Variants in DNAH8 observed in about 807,000 individuals in gnomAD.
The protein encoded by DNAH8 is axonemal beta dynein heavy chain 8.
DNAH8 carries 382 observed loss-of-function variants against 562.1 expected under a neutral mutation model. The observed-to-expected ratio is 0.68, with a 90% CI of 0.63 to 0.74. The LOEUF is 0.74. Ranked by LOEUF, DNAH8 falls within the 30% of genes least tolerant of loss-of-function variation. DNAH8 has a pLI of 0.00. For missense variants in DNAH8, 5,203 were observed against 5,620.4 expected, an observed-to-expected ratio of 0.93 and a Z score of 2.37; for synonymous variants, 1,881 against 1,919.4, an observed-to-expected ratio of 0.98 and a Z score of 0.52.
At chr6:38,743,754 C>T (rs911988675) in intron 8 of DNAH8, among the ~76,000 whole-genome samples, 3 of 152,162 alleles carry the variant, frequency 2.0e-5, no homozygotes, top group Non-Finnish European at 4.4e-5. Context: ...GAATATACCA[C>T]ATTTTGTTGA....
chr6:39,017,902 G>T (rs527828484), intron 91 of DNAH8, among the ~76,000 whole-genome samples: 1 of 152,166 alleles, frequency 6.6e-6, no homozygotes, highest in African/African-American at 2.4e-5. Context: ...AAAGTCTGCC[G>T]TTTGTGGAGG....
chr6:38,851,695 A>G lies in DNAH8; in HGVS notation c.5466+21A>G, dbSNP rs574628754. 3 of 1,499,154 alleles carry G rather than the reference A, an allele frequency of 2.0e-6. No homozygotes were observed. In the African/African-American group the frequency reaches 4.2e-5, roughly 21 times the overall value. The allele number at this position is 1,499,154 out of a possible 1,614,324, so 92.9% of individuals were successfully genotyped here. ...TACAGGTATAATCTAAGAATCTGTG[A>G]TCTAACTTGCTTTTCCCACGACATA... On this transcript the variant is annotated intron_variant, in intron 39 of 92. Transcript: ENST00000327475.
rs1768260565 is a variant in DNAH8, at chr6:38,778,343, CTCTT to C, written c.1963-43_1963-40del. 4 of 1,090,908 alleles carry C rather than the reference CTCTT, an allele frequency of 3.7e-6. No individual in the cohort carries two copies. In the South Asian group the frequency reaches 5.7e-5, roughly 16 times the overall value. The allele number at this position is 1,090,908 out of a possible 1,614,324, so 67.6% of individuals were successfully genotyped here. A position where few individuals can be genotyped will look rare whatever the true frequency, so the allele number is the denominator to read the frequency against. On this transcript the variant is annotated intron_variant, in intron 13 of 92. Coordinates refer to ENST00000327475, the MANE Select transcript of DNAH8 (RefSeq NM_001206927.2). ...TTAACTGTTGTTAAACAAAACCAAT[CTCTT>C]TAACACCAAAAATCATTTAAATATT...
chr6:38,726,445 C>T (rs745891148), intron 3 of DNAH8, among the ~76,000 whole-genome samples: 12 of 152,172 alleles, frequency 7.9e-5, no homozygotes, highest in Admixed American at 7.9e-4. Context: ...TGCCTACAAA[C>T]CCTTCTATTT....
chr6:38,818,213 CAAG>C (rs1285002631), intron 26 of DNAH8, among the ~76,000 whole-genome samples: 1 of 152,026 alleles, frequency 6.6e-6, no homozygotes, highest in Non-Finnish European at 1.5e-5. Context: ...TTAATCCATA[CAAG>C]AAGATCAGTA....
rs1293165543 is a variant in DNAH8, at chr6:38,845,710, C to G, written c.4982C>G (p.Ser1661Trp). Residue 1661 changes from serine (S) to tryptophan (W), a missense_variant, in exon 36 of 93, where the codon TCG becomes TGG. Physicochemically the swap from Ser to Trp is radical, Grantham distance 177. This residue lies in a region of DNAH8 where 2,176 missense variants were observed against 2,365.1 expected (regional missense o/e 0.92). Transcript: ENST00000327475. ...KGELLLKGTE[S>W]GEIITLMEDS... ...GAGCTCCTGCTCAAAGGAACCGAAT[C>G]GGGAGAAATTATCACTTTGATGGAG... 3.7e-6 allele frequency: 6 copies of G among 1,613,850 alleles called. No homozygotes were observed. The highest frequency in any genetic ancestry group is 2.2e-5 in the East Asian group (1 of 44,854).
chr6:38,748,271 C>G lies in DNAH8; in HGVS notation c.1294-2205C>G, dbSNP rs149170397. 7.3e-3 allele frequency among the ~76,000 whole-genome samples: 1,105 copies of G among 152,180 alleles called. 21 individuals carry two copies. Among genetic ancestry groups the G allele is most frequent in the Middle Eastern group, 0.01 (3 of 294 alleles). Reference sequence around the variant, plus strand: ...CATTTTGTATTAAAAATATTAATCTCTAGTCTTTAGAAAGGATACAAAGCA... The same window carrying G: ...CATTTTGTATTAAAAATATTAATCTGTAGTCTTTAGAAAGGATACAAAGCA... On this transcript the variant is annotated intron_variant, in intron 8 of 92. Transcript: ENST00000327475.
intron 81 of DNAH8, among the ~76,000 whole-genome samples, chr6:38,950,325 A>G (rs1431405174): frequency 6.6e-6 from 1 of 151,902 alleles, no homozygotes; most frequent in African/African-American, 2.4e-5. Context: ...TTCTTTTCTA[A>G]TGTTATACAC....
intron 82 of DNAH8, among the ~76,000 whole-genome samples, chr6:38,967,932 A>G (rs1763079985): frequency 6.6e-6 from 1 of 152,188 alleles, no homozygotes; most frequent in South Asian, 2.1e-4. Flanking sequence ...GATATATATC[A>G]TTGCAAAGAA....
intron 7 of DNAH8, among the ~76,000 whole-genome samples, chr6:38,741,422 CAAAA>C (rs1198405018): frequency 6.7e-6 from 1 of 149,122 alleles, no homozygotes; most frequent in Non-Finnish European, 1.5e-5. Flanking sequence ...AACATACAAA[CAAAA>C]AAACCCCAAA....
rs781103950 is a variant in DNAH8 at position 38,908,060 on chromosome 6, G to T, written c.9453G>T (p.Leu3151Phe). 3.7e-6 allele frequency: 6 copies of T among 1,610,438 alleles called. No homozygotes were observed. In the South Asian group the frequency reaches 6.6e-5, roughly 18 times the overall value. The change falls in exon 64 of 93, where the codon TTG becomes TTT. Residue 3151 changes from leucine to phenylalanine, a missense_variant. Leu to Phe is a conservative substitution (Grantham distance 22). This residue lies in a region of DNAH8 where 977 missense variants were observed against 1,061.8 expected (regional missense o/e 0.92). Transcript: ENST00000327475. ...LPRHPPTFDN[L>F]YEYFISRSRK... ...GCCATCCTCCTACCTTTGATAATTT[G>T]TATGAATACTTCATTTCAAGATCAA...
At chr6:38,987,835 G>T (rs1764503364) in intron 87 of DNAH8, among the ~76,000 whole-genome samples, 1 of 152,166 alleles carries the variant, frequency 6.6e-6, no homozygotes, top group Admixed American at 6.5e-5. Flanking sequence ...GTTTCAGATG[G>T]TCATCAATAA....
intron 74 of DNAH8, among the ~76,000 whole-genome samples, chr6:38,927,830 C>G (rs1371952558): frequency 3.3e-5 from 5 of 152,144 alleles, no homozygotes; most frequent in Admixed American, 3.3e-4. Context: ...GCAACCCAGT[C>G]CCAGGAACCT....
Position 38,873,006 on chromosome 6 carries a change from T to C in DNAH8, c.7338T>C (p.Asn2446=), listed in dbSNP as rs1486055269. 1 of 1,614,192 alleles carries C rather than the reference T, an allele frequency of 6.2e-7. No homozygotes were observed. Among genetic ancestry groups the C allele is most frequent in the Non-Finnish European group, 8.5e-7 (1 of 1,180,014 alleles). Residue 2446 remains asparagine (N), a synonymous_variant, in exon 51 of 93, where the codon AAT becomes AAC. Transcript: ENST00000327475. ...ACAATAAAACTCTGACGTTAGCTAA[T>C]GGAGATCGCATTCCCATGGCCCCTA... ...LDDNKTLTLA[N]GDRIPMAPSC...
At chr6:39,018,329 C>T (rs1391222433) in intron 91 of DNAH8, among the ~76,000 whole-genome samples, 1 of 152,186 alleles carries the variant, frequency 6.6e-6, no homozygotes, top group East Asian at 1.9e-4. Flanking sequence ...CCACGGCCCT[C>T]ATATCTAACG....
chr6:38,815,797 AT>A, intron 26 of DNAH8, 140 bp downstream of exon 26: 4 of 783,822 alleles, frequency 5.1e-6, no homozygotes, highest in Admixed American at 3.2e-5. Context: ...ACGTGCAGGC[AT>A]TTTTTCCTGG....
intron 21 of DNAH8, among the ~76,000 whole-genome samples, chr6:38,802,478 G>A (rs1770870316): frequency 6.6e-6 from 1 of 152,202 alleles, no homozygotes; most frequent in Non-Finnish European, 1.5e-5. Flanking sequence ...TTATAAACTA[G>A]TTTTCTTTTC....
At chr6:38,862,882 A>C (rs1776743826) in intron 44 of DNAH8, among the ~76,000 whole-genome samples, 1 of 152,192 alleles carries the variant, frequency 6.6e-6, no homozygotes, top group Non-Finnish European at 1.5e-5. Flanking sequence ...GGTACGTAGA[A>C]CATGTTTTCA....
chr6:38,776,375 G>A (rs896311864), intron 13 of DNAH8, among the ~76,000 whole-genome samples: 1 of 151,986 alleles, frequency 6.6e-6, no homozygotes, highest in Non-Finnish European at 1.5e-5. Context: ...GTGCCACCAC[G>A]CCTGGTTAAT....
Sources: gnomAD v4.1 joint callset for allele counts (sites outside exome capture counted in the v4.1 genomes callset) on GRCh38, gnomAD v4.1.1 for gene constraint, gnomAD v4.1.1 regional missense constraint, MANE v1.5 for transcripts, NCBI Gene and HGNC (gene_info 2026-07-23, HGNC 2026-07-21) for gene names.